CLK1: variants seen among roughly 807,000 people sequenced by gnomAD.
CLK1 encodes CDC like kinase 1.
In CLK1, 40 loss-of-function variants were observed where a neutral mutation model predicts 60.9. That is an observed-to-expected ratio of 0.66 (90% CI 0.51 to 0.86). The LOEUF (loss-of-function observed/expected upper bound fraction) is 0.86, where lower values mean the gene tolerates loss of function less well. Among genes scored for constraint, CLK1 ranks in the 40% least tolerant of loss-of-function variants. The probability of loss-of-function intolerance (pLI) is 0.00; values close to 1 mark genes in which losing one functional copy is unlikely to be tolerated. For missense variants in CLK1, 563 were observed against 606.1 expected, an observed-to-expected ratio of 0.93 and a Z score of 0.75; for synonymous variants, 203 against 184.4, an observed-to-expected ratio of 1.10 and a Z score of -0.82.
intron 1 of CLK1, chr2:200,864,055 G>T (rs1046511131): frequency 6.6e-7 from 1 of 1,513,242 alleles, no homozygotes. Context: ...TTCATCATTA[G>T]ACATTAACTG....
In CLK1 at chr2:200,861,843, G is replaced by A. The variant is rs140005351; in HGVS notation, c.20C>T (p.Thr7Ile). 169 of 1,613,964 alleles carry A rather than the reference G, an allele frequency of 1.0e-4. 1 individual carries two copies. Among genetic ancestry groups the A allele is most frequent in the East Asian group, 8.7e-4 (39 of 44,862 alleles). MRHSKRTYCPDWDDKDW... is the reference protein window; with the variant it reads MRHSKRIYCPDWDDKDW... ...CTTGTCATCCCAATCAGGACAGTAA[G>A]TTCTCTTTGAGTGTCTCATCTACAT... The change falls in exon 2 of 13, where the codon ACT (threonine) becomes ATT (isoleucine). Residue 7 changes from threonine (T) to isoleucine (I), a missense_variant. Coordinates refer to ENST00000321356, the MANE Select transcript of CLK1 (RefSeq NM_004071.4).
intron 9 of CLK1, 119 bp downstream of exon 9, chr2:200,856,563 G>C: frequency 1.3e-6 from 1 of 767,822 alleles, no homozygotes; most frequent in Non-Finnish European, 2.1e-6. Context: ...TGCACTTCAT[G>C]ATACTTATCC....
At position 200,859,333 on chromosome 2, in the gene CLK1, G is replaced by A. The variant is rs182026507; in HGVS notation, c.548+347C>T. 2.6e-5 allele frequency among the ~76,000 whole-genome samples: 4 copies of A among 152,300 alleles called. No individual in the cohort carries two copies. In the East Asian group the frequency reaches 5.8e-4, roughly 22 times the overall value. On this transcript the variant is annotated intron_variant, in intron 5 of 12. Coordinates refer to ENST00000321356, the MANE Select transcript of CLK1 (RefSeq NM_004071.4). ...AACTACCCTGAAAAGGTCTGGGGTA[G>A]GCAAACCTCTCGAGGAGGATCTTAA...
rs116635021 is a variant in CLK1, at chr2:200,864,393, G to T, written c.-1+171C>A. ...ATCCGGCGGCGACAGGCTCGGCCGC[G>T]CAGGAAAGAGGGGCGCGCCGCCACT... On this transcript the variant is annotated intron_variant, in intron 1 of 12. Coordinates refer to ENST00000321356, the MANE Select transcript of CLK1 (RefSeq NM_004071.4). 1,101 of 924,772 alleles carry T rather than the reference G, an allele frequency of 1.2e-3. 13 individuals carry two copies. The African/African-American group carries it at 0.018, about 15-fold the overall frequency. 57.3% of individuals were successfully genotyped at this position (924,772 alleles called of 1,614,324 possible).
At chr2:200,856,213 G>A (rs1359511366) in intron 9 of CLK1, among the ~76,000 whole-genome samples, 1 of 151,708 alleles carries the variant, frequency 6.6e-6, no homozygotes, top group East Asian at 2.0e-4. Context: ...TGGAACTACT[G>A]ACGTGTACCA....
intron 1 of CLK1, among the ~76,000 whole-genome samples, chr2:200,862,148 C>A (rs904588642): frequency 2.6e-5 from 4 of 151,236 alleles, no homozygotes; most frequent in Non-Finnish European, 4.4e-5. Context: ...TCACAATTTA[C>A]TAATTTTGGT....
Position 200,855,868 on chromosome 2 carries a change from G to T in CLK1, c.1058-782C>A, listed in dbSNP as rs528328842. ...TACCAAAAATAAGAAAATTAACCGGGTGTGGTGGTGGGTGCCTATAATCCC... is the reference window on the plus strand; with the variant it reads ...TACCAAAAATAAGAAAATTAACCGGTTGTGGTGGTGGGTGCCTATAATCCC... On this transcript the variant is annotated intron_variant, in intron 9 of 12. Coordinates refer to ENST00000321356, the MANE Select transcript of CLK1 (RefSeq NM_004071.4). 9.3e-5 allele frequency among the ~76,000 whole-genome samples: 14 copies of T among 151,100 alleles called. No homozygotes were observed. In the South Asian group the frequency reaches 2.9e-3, roughly 32 times the overall value.
At chr2:200,853,647 C>A (rs2038984723) in intron 12 of CLK1, among the ~76,000 whole-genome samples, 198 bp from the exon 13 acceptor site, 1 of 141,616 alleles carries the variant, frequency 7.1e-6, no homozygotes, top group African/African-American at 2.7e-5. Context: ...TCAAGACCAG[C>A]CAGGCCAACA....
chr2:200,854,102 T>A (rs1575074766), intron 11 of CLK1, 109 bp from the exon 12 acceptor site: 1 of 647,606 alleles, frequency 1.5e-6, no homozygotes, highest in East Asian at 3.1e-5. Flanking sequence ...GAGATTTAAA[T>A]GGCAGCCATG....
intron 1 of CLK1, 28 bp downstream of exon 1, chr2:200,864,536 A>T (rs1455191696): frequency 2.7e-6 from 1 of 370,318 alleles, no homozygotes; most frequent in Non-Finnish European, 4.9e-6. Flanking sequence ...CGGCCCTGTC[A>T]CCTAGTCCGC....
At chr2:200,853,827 G>T in intron 12 of CLK1, 76 bp downstream of exon 12, 1 of 1,169,832 alleles carries the variant, frequency 8.5e-7, no homozygotes, top group Non-Finnish European at 1.2e-6. Context: ...CCTGGACAAC[G>T]AAGCAAGGCT....
At chr2:200,859,408 G>A (rs1201576577) in intron 5 of CLK1, among the ~76,000 whole-genome samples, 1 of 152,050 alleles carries the variant, frequency 6.6e-6, no homozygotes, top group African/African-American at 2.4e-5. Flanking sequence ...AAAAAATATG[G>A]CCTAACAACA....
intron 11 of CLK1, 186 bp from the exon 12 acceptor site, chr2:200,854,179 CTTCATTATTTATAAA>C: frequency 2.1e-6 from 1 of 484,000 alleles, no homozygotes; most frequent in South Asian, 2.8e-5. Flanking sequence ...ATTAGTTTGA[CTTCATTATTTATAAA>C]GTCCTAATCA....
chr2:200,861,726 T>C lies in CLK1; in HGVS notation c.137A>G (p.Tyr46Cys). 6.2e-7 allele frequency: 1 copy of C among 1,614,140 alleles called. No homozygotes were observed. The highest frequency in any genetic ancestry group is 8.5e-7 in the Non-Finnish European group (1 of 1,180,016). ...SSAQENKRCKYNHSKMCDSHY... is the reference protein window; with the variant it reads ...SSAQENKRCKCNHSKMCDSHY... The stretch of plus-strand genomic sequence containing the variant: ...CCTATCACACATTTTAGAGTGATTG[T>C]ATTTGCAGCGCTTGTTCTCCTGGGC... Residue 46 changes from tyrosine to cysteine, a missense_variant, in exon 2 of 13, where the codon TAC (tyrosine) becomes TGC (cysteine). By Grantham distance (194) the Tyr-to-Cys change is radical. Coordinates refer to ENST00000321356, the MANE Select transcript of CLK1 (RefSeq NM_004071.4).
intron 11 of CLK1, chr2:200,854,247 A>T (rs2039000972): frequency 2.8e-6 from 1 of 355,384 alleles, no homozygotes; most frequent in Non-Finnish European, 5.1e-6. Context: ...AAAAAAAATT[A>T]AGTTCTGGCC....
rs543669649 is a variant in CLK1 at position 200,864,332 on chromosome 2, G to A, written c.-1+232C>T. On this transcript the variant is annotated intron_variant, in intron 1 of 12. Coordinates refer to ENST00000321356, the MANE Select transcript of CLK1 (RefSeq NM_004071.4). ...GGGCAGAAGCTCCAAGAGGGCGGCCGGCCTAGCAAACACCGTAACTACCCC... is the reference window on the plus strand; with the variant it reads ...GGGCAGAAGCTCCAAGAGGGCGGCCAGCCTAGCAAACACCGTAACTACCCC... The A allele has an allele frequency of 1.9e-5, 26 of 1,398,982 alleles. No individual in the cohort carries two copies. In the East Asian group the frequency reaches 2.1e-4, roughly 11 times the overall value. The allele number at this position is 1,398,982 out of a possible 1,614,324, so 86.7% of individuals were successfully genotyped here.
rs943999314 is a variant in CLK1 at position 200,864,616 on chromosome 2, C to G, written c.-53G>C. The G allele has an allele frequency of 5.6e-6, 1 of 179,602 alleles. No homozygotes were observed. The highest frequency in any genetic ancestry group is 2.4e-5 in the African/African-American group (1 of 42,414). 11.1% of individuals were successfully genotyped at this position (179,602 alleles called of 1,614,324 possible). On this transcript the variant is annotated 5_prime_UTR_variant, in exon 1 of 13. Transcript: ENST00000321356. ...GGAGACAAAGCTTGTAACGCAATCA[C>G]GGGAATCACGCAGCTGACTGCGTCG...
At chr2:200,864,283 A>C (rs879044334) in intron 1 of CLK1, 3 of 1,488,790 alleles carry the variant, frequency 2.0e-6, no homozygotes, top group Non-Finnish European at 2.7e-6. Flanking sequence ...GTCCCGCGTC[A>C]GGCGGCGCCG....
Position 200,855,582 on chromosome 2 carries a change from G to A in CLK1, c.1058-496C>T, listed in dbSNP as rs191200183. ...GGAGCTTGCGGTGAGCCGAGATCGC[G>A]CCACTGCACTCTAGCCTGGGTGACA... On this transcript the variant is annotated intron_variant, in intron 9 of 12. Transcript: ENST00000321356. Among the ~76,000 whole-genome samples, 8 of 150,750 alleles carry A rather than the reference G, an allele frequency of 5.3e-5. No homozygotes were observed. The East Asian group carries it at 5.9e-4, about 11-fold the overall frequency.
Sources: gnomAD v4.1 joint callset for allele counts (sites outside exome capture counted in the v4.1 genomes callset) on GRCh38, gnomAD v4.1.1 for gene constraint, MANE v1.5 for transcripts, NCBI Gene and HGNC (gene_info 2026-07-23, HGNC 2026-07-21) for gene names.